Variants in WNT7A observed in about 807,000 individuals in gnomAD.
WNT7A encodes Wnt family member 7A.
WNT7A carries 16 observed loss-of-function variants against 28.2 expected under a neutral mutation model. The ratio of observed to expected loss-of-function variants is 0.57; its 90% CI spans 0.38 to 0.86. The LOEUF (loss-of-function observed/expected upper bound fraction) is 0.86. Among genes scored for constraint, WNT7A ranks in the 40% least tolerant of loss-of-function variants. WNT7A has a pLI of 0.00. For missense variants in WNT7A, 411 were observed against 489.7 expected, an observed-to-expected ratio of 0.84 and a Z score of 1.52; for synonymous variants, 190 against 195.9, an observed-to-expected ratio of 0.97 and a Z score of 0.25.
At chr3:13,853,258 A>G (rs1282847079) in intron 3 of WNT7A, among the ~76,000 whole-genome samples, 1 of 152,224 alleles carries the variant, frequency 6.6e-6, no homozygotes, top group Admixed American at 6.5e-5. Context: ...GGAGAAAGCC[A>G]CGGAACAAGG....
rs1695179267 is a variant in WNT7A, at chr3:13,879,779, A to C, written c.38T>G (p.Phe13Cys). Residue 13 changes from phenylalanine (F) to cysteine (C), a missense_variant, in exon 1 of 4, where the codon TTT (phenylalanine) becomes TGT (cysteine). Phe to Cys is a radical substitution (Grantham distance 205). Coordinates refer to ENST00000285018, the MANE Select transcript of WNT7A (RefSeq NM_004625.4). ...RKARRCLGHL[F>C]LSLGMVYLRI... ...GAGGTAGACCATGCCCAGGCTGAGA[A>C]AGAGGTGGCCCAGGCAGCGCCGCGC... is the stretch of plus-strand genomic sequence containing the variant. 6.2e-7 allele frequency: 1 copy of C among 1,612,428 alleles called. No homozygotes were observed. Among genetic ancestry groups the C allele is most frequent in the Non-Finnish European group, 8.5e-7 (1 of 1,179,142 alleles).
Position 13,866,432 on chromosome 3 carries a change from G to A in WNT7A, c.298+8515C>T, listed in dbSNP as rs115974156. 2.5e-3 allele frequency among the ~76,000 whole-genome samples: 385 copies of A among 152,322 alleles called. 2 individuals carry two copies. Among genetic ancestry groups the A allele is most frequent in the African/African-American group, 8.8e-3 (364 of 41,572 alleles). On this transcript the variant is annotated intron_variant, in intron 2 of 3. Coordinates refer to ENST00000285018, the MANE Select transcript of WNT7A (RefSeq NM_004625.4). ...CTGTTGGTAAATGACCAAGCAGTAA[G>A]CTTCAGGGCTGAACCACTACACAGC... is the stretch of plus-strand genomic sequence containing the variant.
intron 3 of WNT7A, among the ~76,000 whole-genome samples, chr3:13,838,911 A>G (rs916964414): frequency 7.2e-5 from 11 of 152,246 alleles, no homozygotes; most frequent in Admixed American, 7.2e-4. Flanking sequence ...GAGATGTGCT[A>G]TGAGTGTGAA....
chr3:13,830,211 C>G (rs1442719329), intron 3 of WNT7A, among the ~76,000 whole-genome samples: 1 of 152,158 alleles, frequency 6.6e-6, no homozygotes, highest in Admixed American at 6.5e-5. Flanking sequence ...CAGCTGATCA[C>G]ATGGTAAAGG....
At position 13,818,213 on chromosome 3, in the gene WNT7A, C is replaced by G. The variant is rs1225940515; in HGVS notation, c.*731G>C. 8.7e-6 allele frequency: 1 copy of G among 114,930 alleles called. No individual in the cohort carries two copies. The highest frequency in any genetic ancestry group is 2.2e-5 in the Non-Finnish European group (1 of 46,018). The allele number at this position is 114,930 out of a possible 1,614,324, so 7.1% of individuals were successfully genotyped here. On this transcript the variant is annotated 3_prime_UTR_variant, in exon 4 of 4. Transcript: ENST00000285018. Reference sequence around the variant, plus strand: ...AACTGCTGGGAATTTATTATTTTTCCTCTCTATTTATTCCAAACTGGATTT... The same window carrying G: ...AACTGCTGGGAATTTATTATTTTTCGTCTCTATTTATTCCAAACTGGATTT...
chr3:13,831,263 G>A (rs768803023), intron 3 of WNT7A, among the ~76,000 whole-genome samples: 1 of 152,204 alleles, frequency 6.6e-6, no homozygotes, highest in Non-Finnish European at 1.5e-5. Context: ...CTGCCTCCGA[G>A]GTAGCTGCGG....
intron 3 of WNT7A, among the ~76,000 whole-genome samples, chr3:13,837,768 C>G (rs1036213782): frequency 1.3e-5 from 2 of 152,162 alleles, no homozygotes; most frequent in Non-Finnish European, 2.9e-5. Context: ...CCTCTGTGCC[C>G]TTGACCACCT....
At chr3:13,862,209 C>T (rs1486863311) in intron 2 of WNT7A, among the ~76,000 whole-genome samples, 2 of 152,326 alleles carry the variant, frequency 1.3e-5, no homozygotes, top group East Asian at 1.9e-4. Context: ...GGATAAAGAA[C>T]GATACATATT....
At chr3:13,822,491 C>T (rs922097110) in intron 3 of WNT7A, among the ~76,000 whole-genome samples, 4 of 152,170 alleles carry the variant, frequency 2.6e-5, no homozygotes, top group East Asian at 1.9e-4. Context: ...CGTGTGATTC[C>T]GTTTACATGC....
intron 3 of WNT7A, among the ~76,000 whole-genome samples, chr3:13,826,102 T>C (rs532455538): frequency 6.6e-6 from 1 of 152,180 alleles, no homozygotes; most frequent in Non-Finnish European, 1.5e-5. Flanking sequence ...AGTGAGGACC[T>C]ACTGTGTGGT....
At chr3:13,864,828 A>G (rs1230853051) in intron 2 of WNT7A, among the ~76,000 whole-genome samples, 1 of 152,208 alleles carries the variant, frequency 6.6e-6, no homozygotes, top group African/African-American at 2.4e-5. Context: ...TACATTTTAC[A>G]TGTATGTGCA....
rs924480860 is a variant in WNT7A, at chr3:13,879,679, C to T, written c.71+67G>A. 3 of 1,557,192 alleles carry T rather than the reference C, an allele frequency of 1.9e-6. No homozygotes were observed. In the African/African-American group the frequency reaches 4.1e-5, roughly 21 times the overall value. ...GGCCGGCAGAGGCTCGCAGGCGGCA[C>T]ACCTCCCTCCCCGGGCCGTGCCAAC... On this transcript the variant is annotated intron_variant, in intron 1 of 3. Coordinates refer to ENST00000285018, the MANE Select transcript of WNT7A (RefSeq NM_004625.4).
In WNT7A at chr3:13,880,057, G is replaced by T. The variant is rs1695187446; in HGVS notation, c.-241C>A. The T allele has an allele frequency of 5.8e-6, 2 of 343,568 alleles. No individual in the cohort carries two copies. The allele number at this position is 343,568 out of a possible 1,614,324, so 21.3% of individuals were successfully genotyped here. A position where few individuals can be genotyped will look rare whatever the true frequency, so the allele number is the denominator to read the frequency against. On this transcript the variant is annotated 5_prime_UTR_variant, in exon 1 of 4. Coordinates refer to ENST00000285018, the MANE Select transcript of WNT7A (RefSeq NM_004625.4). Reference sequence around the variant, plus strand: ...GGGCGACGCCGGGCTGCGCGCGAGCGACCGGTGCAAGTGTGCGAGACGCGG... The same window carrying T: ...GGGCGACGCCGGGCTGCGCGCGAGCTACCGGTGCAAGTGTGCGAGACGCGG...
Position 13,880,050 on chromosome 3 carries a change from C to T in WNT7A, c.-234G>A. 2.9e-6 allele frequency: 1 copy of T among 346,160 alleles called. No homozygotes were observed. The highest frequency in any genetic ancestry group is 5.2e-6 in the Non-Finnish European group (1 of 192,854). 21.4% of individuals were successfully genotyped at this position (346,160 alleles called of 1,614,324 possible). Reference sequence around the variant, plus strand: ...CGGCGTGGGGCGACGCCGGGCTGCGCGCGAGCGACCGGTGCAAGTGTGCGA... The same window carrying T: ...CGGCGTGGGGCGACGCCGGGCTGCGTGCGAGCGACCGGTGCAAGTGTGCGA... On this transcript the variant is annotated 5_prime_UTR_variant, in exon 1 of 4. Coordinates refer to ENST00000285018, the MANE Select transcript of WNT7A (RefSeq NM_004625.4).
rs1411629875 is a variant in WNT7A, at chr3:13,818,981, G to T, written c.1013C>A (p.Thr338Lys). The change falls in exon 4 of 4, where the codon ACG becomes AAG. Residue 338 changes from threonine (T) to lysine (K), a missense_variant. Transcript: ENST00000285018. Reference sequence around the variant, plus strand: ...GTACATCTCCGTGCGCTCGCTGCACGTGTTGCACTTGACATAGCAGCACCA... The same window carrying T: ...GTACATCTCCGTGCGCTCGCTGCACTTGTTGCACTTGACATAGCAGCACCA... ...FHWCCYVKCNTCSERTEMYTC... is the reference protein window; with the variant it reads ...FHWCCYVKCNKCSERTEMYTC... The T allele has an allele frequency of 5.6e-6, 9 of 1,602,484 alleles. No homozygotes were observed. Among genetic ancestry groups the T allele is most frequent in the Admixed American group, 5.0e-5 (3 of 59,700 alleles).
chr3:13,819,540 T>C lies in WNT7A; in HGVS notation c.571-117A>G, dbSNP rs916874405. On this transcript the variant is annotated intron_variant, in intron 3 of 3. Transcript: ENST00000285018. ...CCCACCTATCTGGGTCTGGCTTTAG[T>C]TTTTTCTTTCTGGTGTAGGAAACTC... 17 of 1,373,062 alleles carry C rather than the reference T, an allele frequency of 1.2e-5. No individual in the cohort carries two copies. In the Admixed American group the frequency reaches 1.6e-4, roughly 13 times the overall value. The allele number at this position is 1,373,062 out of a possible 1,614,324, so 85.1% of individuals were successfully genotyped here. A position where few individuals can be genotyped will look rare whatever the true frequency, so the allele number is the denominator to read the frequency against.
chr3:13,879,705 T>G lies in WNT7A; in HGVS notation c.71+41A>C, dbSNP rs374426843. On this transcript the variant is annotated intron_variant, in intron 1 of 3. Transcript: ENST00000285018. ...ACCTCCCTCCCCGGGCCGTGCCAACTTTGTCGAAACACGCGCGGAAAGGGC... is the reference window on the plus strand; with the variant it reads ...ACCTCCCTCCCCGGGCCGTGCCAACGTTGTCGAAACACGCGCGGAAAGGGC... 6.2e-6 allele frequency: 10 copies of G among 1,605,192 alleles called. No individual in the cohort carries two copies. The African/African-American group carries it at 1.3e-4, about 21-fold the overall frequency.
intron 3 of WNT7A, among the ~76,000 whole-genome samples, chr3:13,823,184 G>T (rs1333580336): frequency 6.6e-6 from 1 of 152,212 alleles, no homozygotes; most frequent in African/African-American, 2.4e-5. Context: ...GAGGGACAAA[G>T]CTGCACTCTG....
intron 2 of WNT7A, among the ~76,000 whole-genome samples, chr3:13,872,418 C>T (rs1695040142): frequency 6.6e-6 from 1 of 152,134 alleles, no homozygotes; most frequent in Non-Finnish European, 1.5e-5. Context: ...TCAACCTATC[C>T]TCTGGCAGTC....
Sources: allele counts gnomAD v4.1 joint callset (sites outside exome capture counted in the v4.1 genomes callset), GRCh38; gene constraint gnomAD v4.1.1; transcripts MANE v1.5; gene names NCBI Gene and HGNC (gene_info 2026-07-23, HGNC 2026-07-21).